Variants in ABCC12 observed in about 807,000 individuals in gnomAD.
The protein encoded by ABCC12 is ATP-binding cassette sub-family C member 12.
A neutral mutation model predicts 151.1 loss-of-function variants in ABCC12; 142 were observed. That is an observed-to-expected ratio of 0.94 (90% CI 0.82 to 1.08). The LOEUF is 1.08. Ranked by LOEUF, ABCC12 falls within the 50% of genes least tolerant of loss-of-function variation. The pLI is 0.00. For synonymous variants in ABCC12, 645 were observed against 646.4 expected (o/e 1.00, Z 0.03); for missense variants, 1,638 against 1,691.1 (o/e 0.97, Z 0.55).
At chr16:48,129,954 C>A (rs1448999470) in intron 10 of ABCC12, among the ~76,000 whole-genome samples, 1 of 152,122 alleles carries the variant, frequency 6.6e-6, no homozygotes, top group African/African-American at 2.4e-5. Flanking sequence ...CAATGGCACC[C>A]CTTAAAATGG....
chr16:48,126,578 A>G (rs1232356685), intron 11 of ABCC12, among the ~76,000 whole-genome samples: 1 of 152,178 alleles, frequency 6.6e-6, no homozygotes, highest in African/African-American at 2.4e-5. Context: ...AAGACTTACT[A>G]TGGGCTTAGC....
At chr16:48,114,896 G>C (rs1044065154) in intron 15 of ABCC12, among the ~76,000 whole-genome samples, 6 of 152,206 alleles carry the variant, frequency 3.9e-5, no homozygotes, top group African/African-American at 1.4e-4. Flanking sequence ...CCTGAGCAGA[G>C]AGAGCTTCCC....
intron 7 of ABCC12, among the ~76,000 whole-genome samples, chr16:48,138,622 T>C (rs529052730): frequency 1.3e-5 from 2 of 152,252 alleles, no homozygotes; most frequent in Non-Finnish European, 2.9e-5. Flanking sequence ...CTTTGACAAA[T>C]TGAAGAGGCA....
intron 22 of ABCC12, among the ~76,000 whole-genome samples, chr16:48,103,219 C>T (rs928169471): frequency 2.0e-5 from 3 of 151,120 alleles, no homozygotes; most frequent in Admixed American, 1.3e-4. Flanking sequence ...TGGCTGGGCA[C>T]GTCTAGGAGC....
At chr16:48,147,881 CAT>C (rs1197637780) in intron 2 of ABCC12, among the ~76,000 whole-genome samples, 1 of 152,190 alleles carries the variant, frequency 6.6e-6, no homozygotes, top group East Asian at 1.9e-4. Flanking sequence ...GAGAAGCCCA[CAT>C]GTTTTAGAGC....
chr16:48,137,865 G>C (rs11643664), intron 8 of ABCC12, among the ~76,000 whole-genome samples: 3 of 152,224 alleles, frequency 2.0e-5, no homozygotes, highest in Non-Finnish European at 2.9e-5. Flanking sequence ...TGTAACCCTG[G>C]ATGTGTGAGT....
chr16:48,121,553 G>T, intron 13 of ABCC12, 163 bp downstream of exon 13: 1 of 965,012 alleles, frequency 1.0e-6, no homozygotes, highest in Non-Finnish European at 1.5e-6. Flanking sequence ...TGAACGCTTG[G>T]CTCAGGAAGA....
In ABCC12 at chr16:48,121,786, G is replaced by C; in HGVS notation, c.1642C>G (p.Gln548Glu). The part of the protein sequence containing the change: ...AVNGTLAYVS[Q>E]QAWIFHGNVR... The stretch of plus-strand genomic sequence containing the variant: ...TTTCCATGAAAGATCCATGCCTGCT[G>C]TGAAACGTAGGCCAAAGTTCCATTG... Residue 548 changes from glutamine to glutamate, a missense_variant, in exon 13 of 31, where the codon CAG (glutamine) becomes GAG (glutamate). By Grantham distance (29) the Gln-to-Glu change is conservative. Coordinates refer to ENST00000311303, the MANE Select transcript of ABCC12 (RefSeq NM_001393797.1). 6.2e-7 allele frequency: 1 copy of C among 1,614,184 alleles called. No individual in the cohort carries two copies. The highest frequency in any genetic ancestry group is 1.3e-5 in the African/African-American group (1 of 75,048).
intron 11 of ABCC12, among the ~76,000 whole-genome samples, chr16:48,125,504 C>T (rs1964209847): frequency 6.6e-6 from 1 of 152,110 alleles, no homozygotes; most frequent in Non-Finnish European, 1.5e-5. Flanking sequence ...CCACAGGTGA[C>T]ATTTGGGTAA....
intron 13 of ABCC12, among the ~76,000 whole-genome samples, chr16:48,117,765 A>G (rs1963937216): frequency 6.6e-6 from 1 of 152,084 alleles, no homozygotes; most frequent in South Asian, 2.1e-4. Flanking sequence ...GGTGTGTGTG[A>G]AGGAGGCTAA....
In ABCC12 at chr16:48,111,815, A is replaced by G; in HGVS notation, c.2085T>C (p.Tyr695=). 1.2e-6 allele frequency: 2 copies of G among 1,614,182 alleles called. No individual in the cohort carries two copies. The highest frequency in any genetic ancestry group is 1.7e-6 in the Non-Finnish European group (2 of 1,180,032). Residue 695 remains tyrosine (Y), a synonymous_variant, in exon 16 of 31, where the codon TAT becomes TAC. Transcript: ENST00000311303. The part of the protein sequence containing the change: ...HKELMEERGR[Y]AKLIHNLRGL... ...CTCGCAGGTTGTGAATCAGTTTTGCATAGCGCCCTCTCTCCTCCATTAACT... is the reference window on the plus strand; with the variant it reads ...CTCGCAGGTTGTGAATCAGTTTTGCGTAGCGCCCTCTCTCCTCCATTAACT...
rs1468143277 is a variant in ABCC12 at position 48,111,295 on chromosome 16, C to T, written c.2281+141G>A. 3 of 990,514 alleles carry T rather than the reference C, an allele frequency of 3.0e-6. No homozygotes were observed. In the African/African-American group the frequency reaches 4.9e-5, roughly 16 times the overall value. The allele number at this position is 990,514 out of a possible 1,614,324, so 61.4% of individuals were successfully genotyped here. On this transcript the variant is annotated intron_variant, in intron 18 of 30. Coordinates refer to ENST00000311303, the MANE Select transcript of ABCC12 (RefSeq NM_001393797.1). ...AAAATTTGGACTTAGGCAGTGGAAC[C>T]CCAAGGCACACAGTACCCTAGACCA...
At chr16:48,114,668 G>A (rs1420458345) in intron 15 of ABCC12, among the ~76,000 whole-genome samples, 5 of 152,258 alleles carry the variant, frequency 3.3e-5, no homozygotes, top group African/African-American at 1.2e-4. Context: ...ACATCTCTGG[G>A]GATTCCCTAC....
In ABCC12 at chr16:48,115,613, C is replaced by T. The variant is rs1478103627; in HGVS notation, c.1791G>A (p.Gly597=). The change falls in exon 15 of 31, where the codon GGG becomes GGA. Residue 597 remains glycine (G), a synonymous_variant. Coordinates refer to ENST00000311303, the MANE Select transcript of ABCC12 (RefSeq NM_001393797.1). ...CCCCAGAGAGGTTGAGGCCCCGCTC[C>T]CCAATCTGTGGACAGGGACAATGCT... ...NLPYGDLTEI[G]ERGLNLSGGQ... 2.5e-6 allele frequency: 4 copies of T among 1,613,126 alleles called. No individual in the cohort carries two copies. Among genetic ancestry groups the T allele is most frequent in the African/African-American group, 1.3e-5 (1 of 74,926 alleles).
chr16:48,107,261 G>A, intron 20 of ABCC12, 61 bp downstream of exon 20: 1 of 1,481,710 alleles, frequency 6.7e-7, no homozygotes, highest in East Asian at 2.3e-5. Flanking sequence ...AGATGCTCTG[G>A]CAGCAGAGTT....
intron 18 of ABCC12, among the ~76,000 whole-genome samples, chr16:48,109,689 C>G (rs1197498071): frequency 6.6e-6 from 1 of 152,244 alleles, no homozygotes; most frequent in African/African-American, 2.4e-5. Context: ...CCCATTGTGT[C>G]TCCCTCTGAA....
chr16:48,135,541 C>G (rs931559293), intron 8 of ABCC12, among the ~76,000 whole-genome samples: 7 of 152,046 alleles, frequency 4.6e-5, no homozygotes, highest in African/African-American at 1.4e-4. Flanking sequence ...CCACCACACC[C>G]AGATAATTTT....
chr16:48,141,370 G>T lies in ABCC12; in HGVS notation c.276-17C>A, dbSNP rs1567457730. On this transcript the variant is annotated splice_polypyrimidine_tract_variant and intron_variant, in intron 4 of 30. Coordinates refer to ENST00000311303, the MANE Select transcript of ABCC12 (RefSeq NM_001393797.1). ...ACTCGAAATCTGTGATGAAAAAACAGAAGCATAAAATGGATTGGCACTTCT... is the reference window on the plus strand; with the variant it reads ...ACTCGAAATCTGTGATGAAAAAACATAAGCATAAAATGGATTGGCACTTCT... 1 of 1,595,406 alleles carries T rather than the reference G, an allele frequency of 6.3e-7. No individual in the cohort carries two copies. The highest frequency in any genetic ancestry group is 1.7e-5 in the African/African-American group (1 of 59,070).
chr16:48,152,097 C>T (rs1965124715), intron 2 of ABCC12, among the ~76,000 whole-genome samples: 1 of 152,140 alleles, frequency 6.6e-6, no homozygotes, highest in African/African-American at 2.4e-5. Flanking sequence ...CAAAACCTTC[C>T]TTGGATCCTT....
Sources: gnomAD v4.1 joint callset for allele counts (sites outside exome capture counted in the v4.1 genomes callset) on GRCh38, gnomAD v4.1.1 for gene constraint, MANE v1.5 for transcripts, NCBI Gene and HGNC (gene_info 2026-07-23, HGNC 2026-07-21) for gene names.